The following RGS13 variants were observed in gnomAD, a reference collection of about 807,000 sequenced individuals.
The protein encoded by RGS13 is regulator of G protein signaling 13, also known as regulator of G-protein signalling 13.
A neutral mutation model predicts 19.9 loss-of-function variants in RGS13; 14 were observed. The observed-to-expected ratio is 0.70, with a 90% CI of 0.46 to 1.10. The LOEUF (loss-of-function observed/expected upper bound fraction) is 1.10, where lower values mean the gene tolerates loss of function less well. Ranked by LOEUF, RGS13 falls within the 50% of genes least tolerant of loss-of-function variation. The pLI, the probability that RGS13 is intolerant of heterozygous loss-of-function variation, is 0.00. For synonymous variants in RGS13, 60 were observed against 56.8 expected (o/e 1.06, Z -0.25); for missense variants, 205 against 187.1 (o/e 1.10, Z -0.56).
chr1:192,654,368 T>C (rs1304130362), intron 5 of RGS13, among the ~76,000 whole-genome samples: 2 of 151,368 alleles, frequency 1.3e-5, no homozygotes, highest in Non-Finnish European at 2.9e-5. Flanking sequence ...TAAAGGACCA[T>C]AAATTTGAAA....
chr1:192,654,232 G>A (rs1663397103), intron 5 of RGS13, among the ~76,000 whole-genome samples: 1 of 151,508 alleles, frequency 6.6e-6, no homozygotes. Flanking sequence ...GGAACTCAAG[G>A]ATTCAGAGGG....
Position 192,647,906 on chromosome 1 carries a change from C to T in RGS13, c.66-20C>T, listed in dbSNP as rs757813143. On this transcript the variant is annotated intron_variant, in intron 4 of 6. Transcript: ENST00000391995. ...TTGAGAATATTTAGCCCAATCAGTG[C>T]TTTTTGTTTCTTTTCAAAGCCTTAC... 1.6e-5 allele frequency: 25 copies of T among 1,560,800 alleles called. No homozygotes were observed. In the Admixed American group the frequency reaches 4.3e-4, roughly 27 times the overall value.
At chr1:192,657,918 T>C (rs1042983366) in intron 5 of RGS13, among the ~76,000 whole-genome samples, 1 of 152,148 alleles carries the variant, frequency 6.6e-6, no homozygotes, top group African/African-American at 2.4e-5. Flanking sequence ...TGATGTCTCC[T>C]GTCCTATCTG....
chr1:192,648,483 G>T (rs907561795), intron 5 of RGS13, among the ~76,000 whole-genome samples: 2 of 152,238 alleles, frequency 1.3e-5, no homozygotes, highest in African/African-American at 4.8e-5. Flanking sequence ...TACCAGCAAT[G>T]GATGTGACAG....
At chr1:192,643,519 G>GC (rs1663162175) in intron 3 of RGS13, among the ~76,000 whole-genome samples, 1 of 152,080 alleles carries the variant, frequency 6.6e-6, no homozygotes, top group African/African-American at 2.4e-5. Flanking sequence ...ACTGTGCCCA[G>GC]AGTAGATAAA....
In RGS13 at chr1:192,658,326, A is replaced by G. The variant is rs1330061525; in HGVS notation, c.253A>G (p.Lys85Glu). Residue 85 changes from lysine (K) to glutamate (E), a missense_variant, in exon 6 of 7, where the codon AAG (lysine) becomes GAG (glutamate). Lys to Glu is a moderately conservative substitution (Grantham distance 56, BLOSUM62 1). Transcript: ENST00000391995. ...SRWSRISRAK[K>E]LYKIYIQPQS... The stretch of plus-strand genomic sequence containing the variant: ...GTGGAGCAGAATTTCTAGGGCAAAG[A>G]AGCTTTATAAGATTTACATCCAGCC... 1 of 1,613,446 alleles carries G rather than the reference A, an allele frequency of 6.2e-7. No individual in the cohort carries two copies. Among genetic ancestry groups the G allele is most frequent in the Non-Finnish European group, 8.5e-7 (1 of 1,179,714 alleles).
chr1:192,644,512 T>G, intron 4 of RGS13, 113 bp downstream of exon 4: 1 of 809,360 alleles, frequency 1.2e-6, no homozygotes, highest in Non-Finnish European at 2.1e-6. Context: ...AAGTAAAATT[T>G]GCATTTACAC....
At chr1:192,649,438 C>A (rs531355815) in intron 5 of RGS13, among the ~76,000 whole-genome samples, 5 of 152,130 alleles carry the variant, frequency 3.3e-5, no homozygotes, top group Non-Finnish European at 7.4e-5. Context: ...CTTATCCTTT[C>A]AGGTTTATTG....
At chr1:192,640,074 T>C (rs1663079804) in intron 3 of RGS13, among the ~76,000 whole-genome samples, 1 of 152,050 alleles carries the variant, frequency 6.6e-6, no homozygotes, top group Admixed American at 6.6e-5. Flanking sequence ...AGAAAAACTA[T>C]TGCTAAAAAT....
intron 5 of RGS13, among the ~76,000 whole-genome samples, chr1:192,648,471 G>A (rs6656631): frequency 0.023 from 3,429 of 152,202 alleles, 56 homozygotes; most frequent in Admixed American, 0.037. Flanking sequence ...ACAAATAAGA[G>A]ATACCAGCAA....
At chr1:192,642,291 C>T (rs1663137006) in intron 3 of RGS13, among the ~76,000 whole-genome samples, 1 of 151,770 alleles carries the variant, frequency 6.6e-6, no homozygotes, top group South Asian at 2.1e-4. Flanking sequence ...ATTCTGTCTG[C>T]CACACTCTAA....
At chr1:192,640,260 C>A (rs570965496) in intron 3 of RGS13, among the ~76,000 whole-genome samples, 1 of 152,084 alleles carries the variant, frequency 6.6e-6, no homozygotes, top group Non-Finnish European at 1.5e-5. Context: ...TCTTGAAACT[C>A]GAACTAAGTA....
intron 6 of RGS13, 142 bp from the exon 7 acceptor site, chr1:192,659,196 T>C (rs1216260599): frequency 1.9e-6 from 1 of 523,614 alleles, no homozygotes; most frequent in African/African-American, 2.0e-5. Flanking sequence ...TTATATATCT[T>C]CTTAGATGCC....
intron 3 of RGS13, among the ~76,000 whole-genome samples, chr1:192,643,026 A>AT (rs1189767516): frequency 4.0e-5 from 6 of 151,534 alleles, no homozygotes; most frequent in African/African-American, 9.7e-5. Flanking sequence ...TGACCAGCTA[A>AT]TTTTTTTTAT....
Position 192,636,272 on chromosome 1 carries a change from G to T in RGS13, c.-161G>T, listed in dbSNP as rs1253639986. 2 of 152,050 alleles carry T rather than the reference G, an allele frequency of 1.3e-5. No individual in the cohort carries two copies. Among genetic ancestry groups the T allele is most frequent in the Admixed American group, 6.6e-5 (1 of 15,242 alleles). 9.4% of individuals were successfully genotyped at this position (152,050 alleles called of 1,614,324 possible). On this transcript the variant is annotated 5_prime_UTR_variant, in exon 1 of 7. Coordinates refer to ENST00000391995, the MANE Select transcript of RGS13 (RefSeq NM_002927.5). ...CTGATTTCAAACGGATCATAACAAAGAGGAGATCAAATTTAGCATGGTGGA... is the reference window on the plus strand; with the variant it reads ...CTGATTTCAAACGGATCATAACAAATAGGAGATCAAATTTAGCATGGTGGA...
intron 3 of RGS13, among the ~76,000 whole-genome samples, chr1:192,641,361 G>C (rs1208895902): frequency 1.3e-5 from 2 of 151,546 alleles, no homozygotes; most frequent in East Asian, 1.9e-4. Context: ...GAGAGAGAGA[G>C]GGGAAAAGGG....
At position 192,652,435 on chromosome 1, in the gene RGS13, C is replaced by T. The variant is rs555358240; in HGVS notation, c.127+4448C>T. Among the ~76,000 whole-genome samples the T allele has an allele frequency of 6.6e-5, 10 of 152,166 alleles. No individual in the cohort carries two copies. In the East Asian group the frequency reaches 1.9e-3, roughly 30 times the overall value. On this transcript the variant is annotated intron_variant, in intron 5 of 6. Coordinates refer to ENST00000391995, the MANE Select transcript of RGS13 (RefSeq NM_002927.5). ...CACTTATTCTAATCTCTGCTAACTA[C>T]TGCTGTTGCCATGGCTCCCTTCATC...
chr1:192,659,885 T>C lies in RGS13; in HGVS notation c.*362T>C, dbSNP rs1417533252. ...AAATTAGTTCTTTAAAAATTGTTGT[T>C]ATATGAATTGTGTTTCTAGCATGAA... On this transcript the variant is annotated 3_prime_UTR_variant, in exon 7 of 7. Transcript: ENST00000391995. 1 of 184,634 alleles carries C rather than the reference T, an allele frequency of 5.4e-6. No homozygotes were observed. The highest frequency in any genetic ancestry group is 1.1e-5 in the Non-Finnish European group (1 of 90,544). 11.4% of individuals were successfully genotyped at this position (184,634 alleles called of 1,614,324 possible). A position where few individuals can be genotyped will look rare whatever the true frequency, so the allele number is the denominator to read the frequency against.
intron 2 of RGS13, 33 bp downstream of exon 2, chr1:192,637,693 G>A (rs191119881): frequency 2.1e-4 from 32 of 151,970 alleles, no homozygotes; most frequent in African/African-American, 5.3e-4. Context: ...TCAGTTCTAC[G>A]TCATGCCAAT....
Sources: gnomAD v4.1 joint callset for allele counts (sites outside exome capture counted in the v4.1 genomes callset) on GRCh38, gnomAD v4.1.1 for gene constraint, MANE v1.5 for transcripts, NCBI Gene and HGNC (gene_info 2026-07-23, HGNC 2026-07-21) for gene names.